The following PLEKHA2 variants were observed in gnomAD, a reference collection of about 807,000 sequenced individuals.
The protein encoded by PLEKHA2 is pleckstrin homology domain-containing family A member 2.
Under a neutral mutation model 53.2 loss-of-function variants are expected in PLEKHA2, and 28 were observed. That is an observed-to-expected ratio of 0.53 (90% CI 0.39 to 0.72). The LOEUF (loss-of-function observed/expected upper bound fraction) is 0.72. PLEKHA2 is among the 30% of genes least tolerant of loss of function. The pLI, the probability that PLEKHA2 is intolerant of heterozygous loss-of-function variation, is 0.00. For synonymous variants in PLEKHA2, 193 were observed against 196.4 expected (o/e 0.98, Z 0.14); for missense variants, 426 against 537.9 (o/e 0.79, Z 2.06).
intron 2 of PLEKHA2, among the ~76,000 whole-genome samples, chr8:38,928,990 G>A (rs527951667): frequency 6.2e-4 from 94 of 152,258 alleles, no homozygotes; most frequent in Non-Finnish European, 1.2e-3. Context: ...GTGGGGCAGC[G>A]GCAGCTATGC....
At chr8:38,956,494 G>A (rs1354383930) in intron 9 of PLEKHA2, among the ~76,000 whole-genome samples, 1 of 152,196 alleles carries the variant, frequency 6.6e-6, no homozygotes, top group African/African-American at 2.4e-5. Flanking sequence ...GCCAATGGCA[G>A]TGGAGTAATT....
chr8:38,964,452 C>T (rs1055614590), intron 10 of PLEKHA2, among the ~76,000 whole-genome samples: 3 of 152,002 alleles, frequency 2.0e-5, no homozygotes, highest in African/African-American at 7.3e-5. Flanking sequence ...CTAGGTTGTG[C>T]GCTTCCTATG....
intron 10 of PLEKHA2, among the ~76,000 whole-genome samples, chr8:38,963,893 A>G (rs1835085300): frequency 6.6e-6 from 1 of 152,258 alleles, no homozygotes; most frequent in Admixed American, 6.5e-5. Flanking sequence ...GAATTAGGGA[A>G]GAAATATAAC....
chr8:38,939,628 TC>T (rs1231103433), intron 3 of PLEKHA2, among the ~76,000 whole-genome samples: 12 of 152,204 alleles, frequency 7.9e-5, no homozygotes, highest in Non-Finnish European at 1.5e-4. Context: ...GGCTGGCTAA[TC>T]AGTTGTGGTC....
intron 8 of PLEKHA2, 62 bp downstream of exon 8, chr8:38,952,766 C>T: frequency 6.6e-7 from 1 of 1,518,698 alleles, no homozygotes; most frequent in Non-Finnish European, 9.1e-7. Flanking sequence ...CATAGGTGCA[C>T]ACCCACAGGA....
Position 38,918,090 on chromosome 8 carries a change from G to A in PLEKHA2, c.141+20G>A, listed in dbSNP as rs1163135929. On this transcript the variant is annotated intron_variant, in intron 2 of 11. Coordinates refer to ENST00000617275, the MANE Select transcript of PLEKHA2 (RefSeq NM_021623.2). ...CCCCAGGTGAGAGGGTCAGTGGGAA[G>A]GGGTGGGGCGACTGGGTGCCCATCA... is the stretch of plus-strand genomic sequence containing the variant. 1.2e-6 allele frequency: 2 copies of A among 1,608,550 alleles called. No homozygotes were observed. The highest frequency in any genetic ancestry group is 3.4e-5 in the Admixed American group (2 of 59,184).
rs148432233 is a variant in PLEKHA2 at position 38,929,536 on chromosome 8, G to A, written c.142-6458G>A. Among the ~76,000 whole-genome samples, 152 of 152,340 alleles carry A rather than the reference G, an allele frequency of 1.0e-3. 1 individual carries two copies. The highest frequency in any genetic ancestry group is 3.6e-3 in the African/African-American group (149 of 41,578). On this transcript the variant is annotated intron_variant, in intron 2 of 11. Transcript: ENST00000617275. Reference sequence around the variant, plus strand: ...AGGGTTGGGCTTGAATACTGGCTCCGCTGCTTGCTGCCTGTGTGACCCTGG... The same window carrying A: ...AGGGTTGGGCTTGAATACTGGCTCCACTGCTTGCTGCCTGTGTGACCCTGG...
chr8:38,956,039 C>T (rs752568553), intron 9 of PLEKHA2, among the ~76,000 whole-genome samples: 3 of 152,188 alleles, frequency 2.0e-5, no homozygotes, highest in Non-Finnish European at 2.9e-5. Flanking sequence ...GCCTAGAACT[C>T]AAGTGATTTG....
chr8:38,957,847 G>A (rs1456006073), intron 10 of PLEKHA2, among the ~76,000 whole-genome samples: 1 of 152,196 alleles, frequency 6.6e-6, no homozygotes, highest in Non-Finnish European at 1.5e-5. Flanking sequence ...CTTATCAGGA[G>A]CTTCTCCCCT....
chr8:38,924,758 G>T (rs906990719), intron 2 of PLEKHA2, among the ~76,000 whole-genome samples: 2 of 152,222 alleles, frequency 1.3e-5, no homozygotes, highest in Non-Finnish European at 2.9e-5. Flanking sequence ...ATGGACATAC[G>T]GTGGGGGTGT....
chr8:38,954,904 G>A (rs1834910257), intron 9 of PLEKHA2, among the ~76,000 whole-genome samples: 1 of 151,978 alleles, frequency 6.6e-6, no homozygotes, highest in Non-Finnish European at 1.5e-5. Context: ...CATGGTGGTG[G>A]GTGCCTGTAA....
In PLEKHA2 at chr8:38,966,166, G is replaced by A. The variant is rs1016202192; in HGVS notation, c.838-2426G>A. 7.2e-5 allele frequency among the ~76,000 whole-genome samples: 11 copies of A among 152,224 alleles called. No individual in the cohort carries two copies. The South Asian group carries it at 1.7e-3, about 23-fold the overall frequency. ...TGCCCTCGTGCACCAGGACCTGAAC[G>A]GTTTTCCTTGTAGGTGCACACATCT... is the stretch of plus-strand genomic sequence containing the variant. On this transcript the variant is annotated intron_variant, in intron 10 of 11. Transcript: ENST00000617275.
rs572466780 is a variant in PLEKHA2 at position 38,971,998 on chromosome 8, A to C, written c.*2215A>C. 1.3e-5 allele frequency: 2 copies of C among 152,288 alleles called. No individual in the cohort carries two copies. The highest frequency in any genetic ancestry group is 3.9e-4 in the East Asian group (2 of 5,180). 9.4% of individuals were successfully genotyped at this position (152,288 alleles called of 1,614,324 possible). A position where few individuals can be genotyped will look rare whatever the true frequency, so the allele number is the denominator to read the frequency against. ...TATTGCTAAATTAATTGGCCATTATAATAAGCTGATTTGTTTCTTATTCAG... is the reference window on the plus strand; with the variant it reads ...TATTGCTAAATTAATTGGCCATTATCATAAGCTGATTTGTTTCTTATTCAG... On this transcript the variant is annotated 3_prime_UTR_variant, in exon 12 of 12. Coordinates refer to ENST00000617275, the MANE Select transcript of PLEKHA2 (RefSeq NM_021623.2).
At chr8:38,932,775 C>G (rs970111824) in intron 2 of PLEKHA2, among the ~76,000 whole-genome samples, 2 of 152,210 alleles carry the variant, frequency 1.3e-5, no homozygotes, top group African/African-American at 2.4e-5. Context: ...TCCCATTTCC[C>G]CTGGATGGGG....
rs1409808080 is a variant in PLEKHA2, at chr8:38,972,790, C to G, written c.*3007C>G. The G allele has an allele frequency of 6.6e-6, 1 of 150,734 alleles. No individual in the cohort carries two copies. The highest frequency in any genetic ancestry group is 2.4e-5 in the African/African-American group (1 of 40,936). 9.3% of individuals were successfully genotyped at this position (150,734 alleles called of 1,614,324 possible). ...CTGAGTTTTTTTTTTTTTAAAGGAA[C>G]TAAAAAATGTACTGCATTTTCTTTG... On this transcript the variant is annotated 3_prime_UTR_variant, in exon 12 of 12. Coordinates refer to ENST00000617275, the MANE Select transcript of PLEKHA2 (RefSeq NM_021623.2).
In PLEKHA2 at chr8:38,952,701, G is replaced by C; in HGVS notation, c.699G>C (p.Glu233Asp). Residue 233 changes from glutamate (E) to aspartate (D), a missense_variant, in exon 8 of 12, where the codon GAG becomes GAC. Physicochemically the swap from Glu to Asp is conservative, Grantham distance 45 (BLOSUM62 2). Transcript: ENST00000617275. ...DDFTICYFKC[E>D]QDREPLRTIF... ...TTACCATCTGCTACTTCAAGTGTGA[G>C]CAGGTTTGTAGTAGCTTTGCTGCCC... The C allele has an allele frequency of 6.2e-7, 1 of 1,612,206 alleles. No individual in the cohort carries two copies. The highest frequency in any genetic ancestry group is 1.1e-5 in the South Asian group (1 of 91,056).
chr8:38,957,788 C>CAG lies in PLEKHA2; in HGVS notation c.837+405_837+406dup, dbSNP rs765468935. ...GAGGGCCCTGTGCAGGCACCAGGTG[C>CAG]AGAGCCCAGCTGCACAGAGGAAGCC... is the stretch of plus-strand genomic sequence containing the variant. On this transcript the variant is annotated intron_variant, in intron 10 of 11. Coordinates refer to ENST00000617275, the MANE Select transcript of PLEKHA2 (RefSeq NM_021623.2). 3.3e-5 allele frequency among the ~76,000 whole-genome samples: 5 copies of CAG among 152,348 alleles called. No individual in the cohort carries two copies. The East Asian group carries it at 5.8e-4, about 18-fold the overall frequency.
intron 1 of PLEKHA2, among the ~76,000 whole-genome samples, chr8:38,913,814 G>A (rs188341190): frequency 9.6e-4 from 146 of 152,292 alleles, no homozygotes; most frequent in Admixed American, 1.6e-3. Flanking sequence ...GAGACTTCAC[G>A]TTCCTTCTGT....
intron 1 of PLEKHA2, chr8:38,902,086 G>T (rs1398549157): frequency 6.6e-6 from 1 of 152,216 alleles, no homozygotes; most frequent in Non-Finnish European, 1.5e-5. Flanking sequence ...TGCCAGGTTG[G>T]GTGAGCCCTC....
Sources: allele counts gnomAD v4.1 joint callset (sites outside exome capture counted in the v4.1 genomes callset), GRCh38; gene constraint gnomAD v4.1.1; transcripts MANE v1.5; gene names NCBI Gene and HGNC (gene_info 2026-07-23, HGNC 2026-07-21).